The following ECHS1 variants were observed in gnomAD, a reference collection of about 807,000 sequenced individuals.
ECHS1 encodes enoyl-CoA hydratase, mitochondrial.
A neutral mutation model predicts 33.5 loss-of-function variants in ECHS1; 19 were observed. That is an observed-to-expected ratio of 0.57 (90% CI 0.40 to 0.83). ECHS1 has a LOEUF of 0.83. Among genes scored for constraint, ECHS1 ranks in the 40% least tolerant of loss-of-function variants. ECHS1 has a pLI of 0.00. For synonymous variants in ECHS1, 158 were observed against 146.6 expected, an observed-to-expected ratio of 1.08 and a Z score of -0.56; for missense variants, 365 against 381.3, an observed-to-expected ratio of 0.96 and a Z score of 0.36.
intron 7 of ECHS1, among the ~76,000 whole-genome samples, chr10:133,364,120 A>G (rs1293604036): frequency 1.3e-5 from 2 of 151,880 alleles, no homozygotes; most frequent in Non-Finnish European, 2.9e-5. Flanking sequence ...AATTTTTTGG[A>G]TTTTTAGTAG....
intron 5 of ECHS1, 55 bp downstream of exon 5, chr10:133,366,834 T>TA: frequency 7.0e-7 from 1 of 1,428,210 alleles, no homozygotes; most frequent in Non-Finnish European, 9.8e-7. Flanking sequence ...TGGGTTTCTG[T>TA]GGGGCTCCCA....
At chr10:133,369,356 C>T (rs533244634) in intron 3 of ECHS1, among the ~76,000 whole-genome samples, 1 of 29,660 alleles carries the variant, frequency 3.4e-5, no homozygotes, top group African/African-American at 5.7e-5. Flanking sequence ...TCCGCAGACC[C>T]CTGGCTTACA....
At chr10:133,365,538 G>A (rs1242707145) in intron 6 of ECHS1, among the ~76,000 whole-genome samples, 1 of 152,264 alleles carries the variant, frequency 6.6e-6, no homozygotes, top group Non-Finnish European at 1.5e-5. Context: ...AGAACTAAAA[G>A]GGATCCAGGC....
chr10:133,369,116 A>G, intron 3 of ECHS1, 94 bp from the exon 4 acceptor site: 3 of 1,188,248 alleles, frequency 2.5e-6, no homozygotes, highest in Non-Finnish European at 3.7e-6. Context: ...TAAAAGAAAC[A>G]GTGTTGGGGG....
chr10:133,370,922 A>G (rs1361155898), intron 1 of ECHS1, among the ~76,000 whole-genome samples, 165 bp from the exon 2 acceptor site: 2 of 152,134 alleles, frequency 1.3e-5, no homozygotes, highest in African/African-American at 4.8e-5. Context: ...CTCAGCCACA[A>G]GGATAGATGG....
In ECHS1 at chr10:133,366,964, C is replaced by T. The variant is rs1172009185; in HGVS notation, c.544G>A (p.Ala182Thr). 1.9e-6 allele frequency: 3 copies of T among 1,612,632 alleles called. No individual in the cohort carries two copies. The highest frequency in any genetic ancestry group is 2.5e-6 in the Non-Finnish European group (3 of 1,179,986). ...GAGGTQRLTR[A>T]VGKSLAMEMV... is the part of the protein sequence containing the mutation. ...TCCATCGCCAGCGACTTCCCAACAG[C>T]ACGGGTGAGTCTCTGGGTGCCGCCC... Residue 182 changes from alanine to threonine, a missense_variant, in exon 5 of 8, where the codon GCT becomes ACT. Transcript: ENST00000368547.
intron 1 of ECHS1, among the ~76,000 whole-genome samples, chr10:133,371,109 C>T (rs1849102822): frequency 6.6e-6 from 1 of 152,166 alleles, no homozygotes; most frequent in African/African-American, 2.4e-5. Context: ...AACGCCGTCT[C>T]TACCTAAAAT....
At chr10:133,368,652 C>T (rs2133441744) in intron 4 of ECHS1, among the ~76,000 whole-genome samples, 1 of 152,294 alleles carries the variant, frequency 6.6e-6, no homozygotes, top group East Asian at 1.9e-4. Context: ...CAAGCAAGAA[C>T]TGTCATGGTT....
chr10:133,373,141 G>C, intron 1 of ECHS1, 105 bp downstream of exon 1: 1 of 925,034 alleles, frequency 1.1e-6, no homozygotes, highest in Non-Finnish European at 1.5e-6. Context: ...GTCAGGTGGG[G>C]GATGCGGGGT....
chr10:133,373,167 TGC>T, intron 1 of ECHS1, 77 bp downstream of exon 1: 1 of 1,154,154 alleles, frequency 8.7e-7, no homozygotes, highest in East Asian at 3.3e-5. Flanking sequence ...GGGAGGGGGG[TGC>T]GGTCTGGGAT....
At chr10:133,366,150 T>C in intron 5 of ECHS1, 55 bp from the exon 6 acceptor site, 1 of 1,584,186 alleles carries the variant, frequency 6.3e-7, no homozygotes, top group Non-Finnish European at 8.6e-7. Context: ...TGTCTATCCC[T>C]TCTCGAGTGA....
Position 133,369,946 on chromosome 10 carries a change from G to T in ECHS1, c.372C>A (p.Thr124=), listed in dbSNP as rs775905890. 5.6e-6 allele frequency: 9 copies of T among 1,613,866 alleles called. No homozygotes were observed. The highest frequency in any genetic ancestry group is 1.7e-5 in the Admixed American group (1 of 60,024). Residue 124 remains threonine, a synonymous_variant, in exon 3 of 8, where the codon ACC becomes ACA. Coordinates refer to ENST00000368547, the MANE Select transcript of ECHS1 (RefSeq NM_004092.4). ...CAGCGATGACTGGCTTCTTGACCTG[G>T]GTGAGGTGGTCCCAGTGCTTCAAGA... ...SKFLKHWDHL[T]QVKKPVIAAV...
Position 133,366,901 on chromosome 10 carries a change from C to A in ECHS1, c.607G>T (p.Ala203Ser). 6 of 1,611,318 alleles carry A rather than the reference C, an allele frequency of 3.7e-6. No homozygotes were observed. Among genetic ancestry groups the A allele is most frequent in the Non-Finnish European group, 5.1e-6 (6 of 1,179,708 alleles). Residue 203 changes from alanine (A) to serine (S), a missense_variant, in exon 5 of 8, where the codon GCC (alanine) becomes TCC (serine). Ala to Ser is a moderately conservative substitution (Grantham distance 99). Coordinates refer to ENST00000368547, the MANE Select transcript of ECHS1 (RefSeq NM_004092.4). ...LTGDRISAQD[A>S]KQAGLVSKIC... The stretch of plus-strand genomic sequence containing the variant: ...CCCCAACCCATACCTGCTTGCTTGG[C>A]GTCCTGGGCTGAGATCCGGTCACCA...
intron 7 of ECHS1, 129 bp downstream of exon 7, chr10:133,364,529 C>G (rs1008577063): frequency 1.4e-6 from 1 of 725,264 alleles, no homozygotes; most frequent in Non-Finnish European, 2.4e-6. Context: ...AATCTGATCC[C>G]GTTAAAGGTG....
intron 1 of ECHS1, 23 bp from the exon 2 acceptor site, chr10:133,370,780 G>A: frequency 6.3e-7 from 1 of 1,598,888 alleles, no homozygotes; most frequent in Non-Finnish European, 8.5e-7. Flanking sequence ...GGCAAAAAGG[G>A]GTATCTATTC....
intron 2 of ECHS1, 57 bp downstream of exon 2, chr10:133,370,503 G>A (rs1849089886): frequency 6.2e-6 from 9 of 1,442,318 alleles, no homozygotes; most frequent in Non-Finnish European, 8.2e-6. Flanking sequence ...CTTCTCCCAA[G>A]GCCATACGTG....
At chr10:133,364,588 A>C in intron 7 of ECHS1, 70 bp downstream of exon 7, 1 of 1,252,290 alleles carries the variant, frequency 8.0e-7, no homozygotes. Context: ...GATAAAATTT[A>C]AAAGGAAATT....
intron 7 of ECHS1, 64 bp downstream of exon 7, chr10:133,364,594 A>G (rs1367605670): frequency 1.5e-6 from 2 of 1,311,444 alleles, no homozygotes; most frequent in African/African-American, 2.9e-5. Flanking sequence ...ATTTAAAAGG[A>G]AATTCCCAGC....
intron 7 of ECHS1, among the ~76,000 whole-genome samples, chr10:133,364,236 G>A (rs568442020): frequency 1.2e-4 from 19 of 152,076 alleles, no homozygotes; most frequent in Middle Eastern, 3.4e-3. Context: ...GAGCCACCGC[G>A]CCCGGCCTCA....
Sources: allele counts gnomAD v4.1 joint callset (sites outside exome capture counted in the v4.1 genomes callset), GRCh38; gene constraint gnomAD v4.1.1; transcripts MANE v1.5; gene names NCBI Gene and HGNC (gene_info 2026-07-23, HGNC 2026-07-21).